The following MAP3K13 variants were observed in gnomAD, a reference collection of about 807,000 sequenced individuals.
MAP3K13 encodes the protein leucine zipper-bearing kinase.
In MAP3K13, 52 loss-of-function variants were observed where a neutral mutation model predicts 104.0. The observed-to-expected ratio is 0.50, with a 90% confidence interval of 0.40 to 0.63. The LOEUF (loss-of-function observed/expected upper bound fraction) is 0.63. Among genes scored for constraint, MAP3K13 ranks in the 20% least tolerant of loss-of-function variants. The pLI is 0.00. For missense variants in MAP3K13, 914 were observed against 1,218.5 expected, an observed-to-expected ratio of 0.75 and a Z score of 3.72; for synonymous variants, 394 against 442.2, an observed-to-expected ratio of 0.89 and a Z score of 1.37.
At chr3:185,297,246 A>G (rs1351010272) in intron 2 of MAP3K13, among the ~76,000 whole-genome samples, 2 of 152,232 alleles carry the variant, frequency 1.3e-5, no homozygotes, top group Non-Finnish European at 2.9e-5. Flanking sequence ...AGTCACAGCT[A>G]CTACCTCTGC....
chr3:185,455,705 G>C (rs369118250), intron 7 of MAP3K13, among the ~76,000 whole-genome samples: 1 of 10,588 alleles, frequency 9.4e-5, no homozygotes, highest in Non-Finnish European at 2.4e-4. Flanking sequence ...ATATATATGA[G>C]ATATATATGA....
At chr3:185,385,864 G>A (rs961627607) in intron 1 of MAP3K13, among the ~76,000 whole-genome samples, 2 of 152,166 alleles carry the variant, frequency 1.3e-5, no homozygotes, top group African/African-American at 2.4e-5. Context: ...TTAGCCAGTC[G>A]TGGTGGTGGG....
At chr3:185,442,490 C>T (rs1715381060) in intron 3 of MAP3K13, among the ~76,000 whole-genome samples, 1 of 151,580 alleles carries the variant, frequency 6.6e-6, no homozygotes, top group East Asian at 1.9e-4. Context: ...CTCATAAAAC[C>T]CTCTAAAACT....
chr3:185,480,140 T>C, intron 12 of MAP3K13, 92 bp from the exon 13 acceptor site: 1 of 1,272,320 alleles, frequency 7.9e-7, no homozygotes, highest in Non-Finnish European at 1.1e-6. Flanking sequence ...GGGAAAAAAC[T>C]AGATTATCTC....
chr3:185,422,789 G>A (rs1048000539), intron 1 of MAP3K13, among the ~76,000 whole-genome samples: 1 of 152,208 alleles, frequency 6.6e-6, no homozygotes, highest in African/African-American at 2.4e-5. Flanking sequence ...CAACCTCCAG[G>A]CCATGGTCTG....
At chr3:185,304,746 G>A (rs962861891) in intron 2 of MAP3K13, among the ~76,000 whole-genome samples, 3 of 152,070 alleles carry the variant, frequency 2.0e-5, no homozygotes, top group Non-Finnish European at 4.4e-5. Flanking sequence ...CGATTCTCCT[G>A]CCTCAGCCTC....
chr3:185,303,573 A>G (rs1371482456), intron 2 of MAP3K13, among the ~76,000 whole-genome samples: 1 of 151,160 alleles, frequency 6.6e-6, no homozygotes, highest in African/African-American at 2.4e-5. Flanking sequence ...CTAGAAATCT[A>G]TCATTTTTTC....
intron 1 of MAP3K13, among the ~76,000 whole-genome samples, chr3:185,412,125 G>C (rs1713488819): frequency 1.3e-5 from 2 of 151,830 alleles, no homozygotes; most frequent in Admixed American, 1.3e-4. Context: ...ATTAACCTTT[G>C]TATTGAGGGA....
chr3:185,466,597 G>C (rs1489485872), intron 9 of MAP3K13, among the ~76,000 whole-genome samples: 1 of 151,916 alleles, frequency 6.6e-6, no homozygotes, highest in Non-Finnish European at 1.5e-5. Flanking sequence ...GGCTGGTCTC[G>C]AACTCCCAAC....
intron 8 of MAP3K13, 152 bp from the exon 9 acceptor site, chr3:185,465,595 G>T: frequency 3.2e-6 from 2 of 617,684 alleles, no homozygotes; most frequent in African/African-American, 1.8e-5. Context: ...GTTCCATTTT[G>T]TCTGAGTTAC....
At chr3:185,410,404 A>G (rs1713367643) in intron 1 of MAP3K13, among the ~76,000 whole-genome samples, 1 of 152,166 alleles carries the variant, frequency 6.6e-6, no homozygotes. Context: ...AGATAGGAGG[A>G]ATAAATTCTA....
chr3:185,464,745 T>A (rs1425130593), intron 8 of MAP3K13, among the ~76,000 whole-genome samples: 1 of 152,198 alleles, frequency 6.6e-6, no homozygotes, highest in Non-Finnish European at 1.5e-5. Context: ...AACTTTAGAC[T>A]GGATAATATA....
At chr3:185,476,085 C>T (rs1026020417) in intron 11 of MAP3K13, among the ~76,000 whole-genome samples, 1 of 152,052 alleles carries the variant, frequency 6.6e-6, no homozygotes, top group Non-Finnish European at 1.5e-5. Flanking sequence ...CTTTTATCAC[C>T]CCAGAAAGAA....
At chr3:185,381,892 T>C (rs1352287545) in intron 1 of MAP3K13, among the ~76,000 whole-genome samples, 1 of 152,224 alleles carries the variant, frequency 6.6e-6, no homozygotes, top group Non-Finnish European at 1.5e-5. Context: ...AACCCTATAC[T>C]TCCCCTAGGA....
chr3:185,471,078 G>A (rs1255300226), intron 10 of MAP3K13, among the ~76,000 whole-genome samples: 1 of 152,168 alleles, frequency 6.6e-6, no homozygotes, highest in Non-Finnish European at 1.5e-5. Context: ...ATCTCCCATA[G>A]AAACTCTTGA....
chr3:185,377,944 G>A (rs1406924252), intron 1 of MAP3K13, among the ~76,000 whole-genome samples: 10 of 152,170 alleles, frequency 6.6e-5, no homozygotes, highest in Non-Finnish European at 1.0e-4. Context: ...GAGGAATCCC[G>A]GGCTGCGGGC....
intron 2 of MAP3K13, among the ~76,000 whole-genome samples, chr3:185,302,145 G>A (rs1721129797): frequency 1.3e-5 from 2 of 151,944 alleles, no homozygotes; most frequent in Admixed American, 1.3e-4. Flanking sequence ...GCTTACGCCT[G>A]TAATCCCAGC....
intron 12 of MAP3K13, among the ~76,000 whole-genome samples, chr3:185,478,782 G>GA (rs771827944): frequency 3.3e-5 from 5 of 151,362 alleles, no homozygotes; most frequent in Non-Finnish European, 7.4e-5. Flanking sequence ...TGAGGCAGGA[G>GA]AATTGCTTGA....
At chr3:185,390,908 A>C (rs1015975565) in intron 1 of MAP3K13, among the ~76,000 whole-genome samples, 2 of 152,148 alleles carry the variant, frequency 1.3e-5, no homozygotes, top group African/African-American at 4.8e-5. Flanking sequence ...GGCGTGAGCC[A>C]CTGCGCTGGG....
Sources: gnomAD v4.1 joint callset for allele counts (sites outside exome capture counted in the v4.1 genomes callset) on GRCh38, gnomAD v4.1.1 for gene constraint, MANE v1.5 for transcripts, NCBI Gene and HGNC (gene_info 2026-07-23, HGNC 2026-07-21) for gene names.